The following ADAMTS12 variants were observed in gnomAD, a reference collection of about 807,000 sequenced individuals.
The protein encoded by ADAMTS12 is ADAM metallopeptidase with thrombospondin type 1 motif 12.
Under a neutral mutation model 167.8 loss-of-function variants are expected in ADAMTS12, and 118 were observed. The observed-to-expected ratio is 0.70, with a 90% CI of 0.61 to 0.82. ADAMTS12 has a LOEUF of 0.82. Among genes scored for constraint, ADAMTS12 ranks in the 40% least tolerant of loss-of-function variants. The pLI, the probability that ADAMTS12 is intolerant of heterozygous loss-of-function variation, is 0.00. For synonymous variants in ADAMTS12, 704 were observed against 716.9 expected (o/e 0.98, Z 0.29); for missense variants, 1,916 against 1,998.8 (o/e 0.96, Z 0.79).
At chr5:33,690,637 T>G (rs1742516645) in intron 3 of ADAMTS12, among the ~76,000 whole-genome samples, 1 of 152,196 alleles carries the variant, frequency 6.6e-6, no homozygotes, top group Non-Finnish European at 1.5e-5. Context: ...AAAAGGATGT[T>G]TGAAGATCCT....
intron 2 of ADAMTS12, among the ~76,000 whole-genome samples, chr5:33,858,536 T>G (rs574005324): frequency 4.0e-5 from 6 of 151,750 alleles, no homozygotes; most frequent in Non-Finnish European, 4.4e-5. Context: ...TGCACACCAG[T>G]AGTCGCAGCA....
At chr5:33,728,581 C>T (rs1388020889) in intron 3 of ADAMTS12, among the ~76,000 whole-genome samples, 3 of 152,164 alleles carry the variant, frequency 2.0e-5, no homozygotes, top group Non-Finnish European at 2.9e-5. Flanking sequence ...AGGCCATTTG[C>T]CCTTTAAGCC....
chr5:33,800,508 C>A (rs985878809), intron 2 of ADAMTS12, among the ~76,000 whole-genome samples: 4 of 152,180 alleles, frequency 2.6e-5, no homozygotes, highest in African/African-American at 9.7e-5. Flanking sequence ...TTTCCCATAG[C>A]CTTCTACTAT....
Position 33,527,335 on chromosome 5 carries a change from G to A in ADAMTS12, c.4638C>T (p.Ala1546=). The A allele has an allele frequency of 6.2e-7, 1 of 1,614,130 alleles. No homozygotes were observed. Among genetic ancestry groups the A allele is most frequent in the Non-Finnish European group, 8.5e-7 (1 of 1,180,012 alleles). Residue 1546 remains alanine, a synonymous_variant, in exon 24 of 24, where the codon GCC becomes GCT. Coordinates refer to ENST00000504830, the MANE Select transcript of ADAMTS12 (RefSeq NM_030955.4). The part of the protein sequence containing the change: ...DLLCTKDKLS[A]SFCQTLKAMK... Reference sequence around the variant, plus strand: ...TGGCTTTCAGTGTCTGGCAGAAACTGGCTGACAGTTTGTCCTTAGTGCAAA... The same window carrying A: ...TGGCTTTCAGTGTCTGGCAGAAACTAGCTGACAGTTTGTCCTTAGTGCAAA...
intron 20 of ADAMTS12, among the ~76,000 whole-genome samples, chr5:33,556,054 C>T (rs778055251): frequency 1.2e-4 from 19 of 152,202 alleles, no homozygotes; most frequent in Admixed American, 3.3e-4. Context: ...ACCTAGAGCT[C>T]GACGTTTGTC....
chr5:33,599,282 A>G (rs1378465643), intron 16 of ADAMTS12, among the ~76,000 whole-genome samples: 1 of 152,232 alleles, frequency 6.6e-6, no homozygotes, highest in African/African-American at 2.4e-5. Flanking sequence ...AGAACACTCA[A>G]TAAATGTGAG....
At chr5:33,762,700 T>C (rs1272628123) in intron 2 of ADAMTS12, among the ~76,000 whole-genome samples, 2 of 152,124 alleles carry the variant, frequency 1.3e-5, no homozygotes, top group Admixed American at 1.3e-4. Context: ...GATTCTTCCC[T>C]GGAGCATGAT....
intron 2 of ADAMTS12, among the ~76,000 whole-genome samples, chr5:33,868,891 T>A (rs1454201220): frequency 6.6e-6 from 1 of 152,192 alleles, no homozygotes; most frequent in Non-Finnish European, 1.5e-5. Context: ...ATTGGACACC[T>A]CTTTTTAAAA....
At chr5:33,628,349 T>C (rs975281548) in intron 13 of ADAMTS12, among the ~76,000 whole-genome samples, 2 of 152,128 alleles carry the variant, frequency 1.3e-5, no homozygotes. Flanking sequence ...TATGTCATCC[T>C]GGTAATTTAA....
chr5:33,824,578 T>G (rs1294298621), intron 2 of ADAMTS12, among the ~76,000 whole-genome samples: 2 of 151,770 alleles, frequency 1.3e-5, no homozygotes, highest in African/African-American at 4.8e-5. Context: ...AGACCAGGAG[T>G]GTAAAGCAAA....
chr5:33,866,154 A>C (rs1749812115), intron 2 of ADAMTS12, among the ~76,000 whole-genome samples: 1 of 152,166 alleles, frequency 6.6e-6, no homozygotes, highest in South Asian at 2.1e-4. Flanking sequence ...ATCCAAAGCT[A>C]TCCTAGGCAA....
intron 5 of ADAMTS12, among the ~76,000 whole-genome samples, chr5:33,676,907 AC>A (rs1177030618): frequency 1.3e-5 from 2 of 152,124 alleles, no homozygotes; most frequent in Non-Finnish European, 2.9e-5. Context: ...CTCTCAGTAC[AC>A]CAAGAAGAAT....
intron 18 of ADAMTS12, among the ~76,000 whole-genome samples, chr5:33,586,181 A>G (rs955203013): frequency 3.9e-5 from 6 of 152,280 alleles, no homozygotes; most frequent in Admixed American, 1.3e-4. Context: ...TAGATAATAA[A>G]TACTGCCTGC....
chr5:33,571,787 CA>C (rs1156548792), intron 19 of ADAMTS12, among the ~76,000 whole-genome samples: 1 of 150,384 alleles, frequency 6.6e-6, no homozygotes, highest in East Asian at 1.9e-4. Flanking sequence ...AAAAACCCTT[CA>C]AAAAATTAAT....
intron 22 of ADAMTS12, 118 bp from the exon 23 acceptor site, chr5:33,535,110 C>T: frequency 1.8e-6 from 2 of 1,086,688 alleles, no homozygotes. Context: ...TAACCAGAAA[C>T]CTTTTTGGAG....
chr5:33,664,217 T>C (rs1175069709), intron 5 of ADAMTS12, among the ~76,000 whole-genome samples: 1 of 152,120 alleles, frequency 6.6e-6, no homozygotes, highest in Non-Finnish European at 1.5e-5. Flanking sequence ...GCTAAAGCAA[T>C]TCTGAAAAAA....
Position 33,534,688 on chromosome 5 carries a change from T to C in ADAMTS12, c.4606+145A>G, listed in dbSNP as rs1209350698. 4.6e-6 allele frequency: 5 copies of C among 1,075,812 alleles called. No individual in the cohort carries two copies. The African/African-American group carries it at 4.8e-5, about 10-fold the overall frequency. The allele number at this position is 1,075,812 out of a possible 1,614,324, so 66.6% of individuals were successfully genotyped here. A position where few individuals can be genotyped will look rare whatever the true frequency, so the allele number is the denominator to read the frequency against. On this transcript the variant is annotated intron_variant, in intron 23 of 23. Coordinates refer to ENST00000504830, the MANE Select transcript of ADAMTS12 (RefSeq NM_030955.4). ...ATTCAAACCTCACCAGATCAGATAG[T>C]TTGTTCCCAGGGTTACTGGTTGACC...
At chr5:33,703,117 A>T (rs970740624) in intron 3 of ADAMTS12, among the ~76,000 whole-genome samples, 3 of 152,166 alleles carry the variant, frequency 2.0e-5, no homozygotes, top group Non-Finnish European at 2.9e-5. Flanking sequence ...CATTTCTGAC[A>T]TTCTCTGTGC....
intron 3 of ADAMTS12, among the ~76,000 whole-genome samples, chr5:33,705,411 G>T (rs570034979): frequency 6.6e-6 from 1 of 151,792 alleles, no homozygotes; most frequent in Non-Finnish European, 1.5e-5. Flanking sequence ...TGAGTTCTTT[G>T]TATATTCTGG....
Sources: allele counts gnomAD v4.1 joint callset (sites outside exome capture counted in the v4.1 genomes callset), GRCh38; gene constraint gnomAD v4.1.1; transcripts MANE v1.5; gene names NCBI Gene and HGNC (gene_info 2026-07-23, HGNC 2026-07-21).